Variants in ATP8A1 observed in about 807,000 individuals in gnomAD.
The protein encoded by ATP8A1 is phospholipid-transporting ATPase IA.
Under a neutral mutation model 177.7 loss-of-function variants are expected in ATP8A1, and 90 were observed. That is an observed-to-expected ratio of 0.51 (90% CI 0.43 to 0.60). ATP8A1 has a LOEUF of 0.60. ATP8A1 is among the 20% of genes least tolerant of loss of function. ATP8A1 has a pLI of 0.00. For missense variants in ATP8A1, 1,072 were observed against 1,392.8 expected (o/e 0.77, Z 3.67); for synonymous variants, 493 against 485.9 (o/e 1.01, Z -0.19).
At position 42,422,831 on chromosome 4, in the gene ATP8A1, G is replaced by A; in HGVS notation, c.3281C>T (p.Pro1094Leu). The A allele has an allele frequency of 6.2e-7, 1 of 1,612,624 alleles. No homozygotes were observed. Among genetic ancestry groups the A allele is most frequent in the South Asian group, 1.1e-5 (1 of 91,018 alleles). The change falls in exon 35 of 37, where the codon CCA becomes CTA. Residue 1094 changes from proline (P) to leucine (L), a missense_variant. This residue lies in a region of ATP8A1 where 316 missense variants were observed against 459.1 expected (regional missense o/e 0.69). Coordinates refer to ENST00000381668, the MANE Select transcript of ATP8A1 (RefSeq NM_006095.2). ...VQELEAKSQD[P>L]GAVVLGKSLT... ...CCTTTTTCCAAGTACAACTGCTCCT[G>A]GGTCTTGAGATTTTGCCTCCAGCTC...
At chr4:42,631,843 GA>G (rs1738769522) in intron 1 of ATP8A1, among the ~76,000 whole-genome samples, 1 of 152,172 alleles carries the variant, frequency 6.6e-6, no homozygotes, top group Non-Finnish European at 1.5e-5. Flanking sequence ...GTCTTAGAAA[GA>G]AACGAGAAGG....
rs186647096 is a variant in ATP8A1 at position 42,496,224 on chromosome 4, T to C, written c.2151+7226A>G. Among the ~76,000 whole-genome samples the C allele has an allele frequency of 2.4e-3, 371 of 152,186 alleles. 3 individuals are homozygous for C. Among genetic ancestry groups the C allele is most frequent in the African/African-American group, 8.5e-3 (354 of 41,530 alleles). On this transcript the variant is annotated intron_variant, in intron 24 of 36. Coordinates refer to ENST00000381668, the MANE Select transcript of ATP8A1 (RefSeq NM_006095.2). ...GTGTTTCAGCACGGGGGTGGGGACA[T>C]GTAGCAAAGACAGACAAATCCAGGG...
At chr4:42,594,380 A>C in intron 6 of ATP8A1, 1 of 1,379,472 alleles carries the variant, frequency 7.2e-7, no homozygotes, top group Non-Finnish European at 1.0e-6. Context: ...AAAACTGGGA[A>C]TTGGTTAATT....
At chr4:42,582,040 T>G (rs565203889) in intron 9 of ATP8A1, among the ~76,000 whole-genome samples, 40 of 152,310 alleles carry the variant, frequency 2.6e-4, no homozygotes, top group African/African-American at 9.4e-4. Context: ...GAAATGACCC[T>G]TCGGGAGCTA....
intron 11 of ATP8A1, among the ~76,000 whole-genome samples, chr4:42,579,473 C>T (rs1732798922): frequency 6.7e-6 from 1 of 149,252 alleles, no homozygotes; most frequent in African/African-American, 2.4e-5. Flanking sequence ...TATATCCACA[C>T]ATGGTCAATC....
At chr4:42,474,010 C>T (rs73235579) in intron 25 of ATP8A1, among the ~76,000 whole-genome samples, 25,489 of 152,026 alleles carry the variant, frequency 0.17, 2,386 homozygotes, top group South Asian at 0.24. Flanking sequence ...TCATGACCTT[C>T]CTATGTTGTG....
At chr4:42,529,481 C>G (rs950627873) in intron 20 of ATP8A1, among the ~76,000 whole-genome samples, 1 of 152,224 alleles carries the variant, frequency 6.6e-6, no homozygotes, top group South Asian at 2.1e-4. Context: ...ACCAGCAGCA[C>G]TGCATCATCA....
At chr4:42,420,020 CAAAA>C (rs34391125) in intron 35 of ATP8A1, among the ~76,000 whole-genome samples, 3 of 126,058 alleles carry the variant, frequency 2.4e-5, no homozygotes, top group Non-Finnish European at 5.1e-5. Flanking sequence ...AACAAACAAA[CAAAA>C]AAAAAAAACT....
chr4:42,452,030 G>T lies in ATP8A1; in HGVS notation c.2847C>A (p.Leu949=). The part of the protein sequence containing the change: ...KVFWVHCLNG[L]FHSVILFWFP... ...ACCAAAACAGAATAACTGAGTGGAA[G>T]AGGCCATTTAAACAATGAACCCAGA... Residue 949 remains leucine (L), a synonymous_variant, in exon 30 of 37, where the codon CTC becomes CTA. Coordinates refer to ENST00000381668, the MANE Select transcript of ATP8A1 (RefSeq NM_006095.2). The T allele has an allele frequency of 6.2e-7, 1 of 1,613,204 alleles. No individual in the cohort carries two copies. The highest frequency in any genetic ancestry group is 1.3e-5 in the African/African-American group (1 of 74,984).
chr4:42,602,183 A>C (rs899824680), intron 5 of ATP8A1, among the ~76,000 whole-genome samples: 3 of 152,256 alleles, frequency 2.0e-5, no homozygotes, highest in African/African-American at 7.2e-5. Context: ...TAACCGCAGA[A>C]GTTAAAGTAC....
At chr4:42,541,376 C>T (rs988180187) in intron 20 of ATP8A1, among the ~76,000 whole-genome samples, 4 of 152,116 alleles carry the variant, frequency 2.6e-5, no homozygotes, top group Non-Finnish European at 4.4e-5. Context: ...CAACTTCAAA[C>T]GTGGGTGAAG....
intron 25 of ATP8A1, among the ~76,000 whole-genome samples, chr4:42,483,367 T>C (rs1366122130): frequency 1.6e-5 from 2 of 123,710 alleles, no homozygotes; most frequent in African/African-American, 6.2e-5. Context: ...AGGAAAGATA[T>C]GTGACTTAAG....
chr4:42,582,221 T>A (rs114222274), intron 9 of ATP8A1, among the ~76,000 whole-genome samples: 2,190 of 152,284 alleles, frequency 0.014, 19 homozygotes, highest in Middle Eastern at 0.048. Context: ...GGTACTCTGA[T>A]CTCAGATGTT....
At chr4:42,450,646 AAGG>A in intron 30 of ATP8A1, among the ~76,000 whole-genome samples, 1 of 152,326 alleles carries the variant, frequency 6.6e-6, no homozygotes, top group East Asian at 1.9e-4. Context: ...GCAATTAAAA[AAGG>A]AGATTAAAAT....
chr4:42,641,855 T>C (rs1740025694), intron 1 of ATP8A1, among the ~76,000 whole-genome samples: 1 of 152,228 alleles, frequency 6.6e-6, no homozygotes, highest in South Asian at 2.1e-4. Context: ...CCTCGTTTTA[T>C]TACAAGAAGC....
At chr4:42,480,287 G>A (rs1388791512) in intron 25 of ATP8A1, among the ~76,000 whole-genome samples, 9 of 152,232 alleles carry the variant, frequency 5.9e-5, no homozygotes, top group Middle Eastern at 3.4e-3. Context: ...CTGAGCAGAT[G>A]ATTATTATGT....
chr4:42,580,516 T>A (rs1732924954), intron 10 of ATP8A1, among the ~76,000 whole-genome samples: 1 of 152,230 alleles, frequency 6.6e-6, no homozygotes, highest in Non-Finnish European at 1.5e-5. Flanking sequence ...CAGAGGCAAG[T>A]TGCCTCAGTT....
At chr4:42,616,712 A>G (rs1030887570) in intron 4 of ATP8A1, among the ~76,000 whole-genome samples, 12 of 152,176 alleles carry the variant, frequency 7.9e-5, no homozygotes, top group African/African-American at 1.9e-4. Context: ...CCTTCCTCCC[A>G]AGAGCACCTA....
At chr4:42,521,794 T>C (rs754680047) in intron 22 of ATP8A1, among the ~76,000 whole-genome samples, 2 of 152,198 alleles carry the variant, frequency 1.3e-5, no homozygotes, top group Admixed American at 6.5e-5. Flanking sequence ...CATTGCATAT[T>C]ATAGTTATTA....
Sources: allele counts gnomAD v4.1 joint callset (sites outside exome capture counted in the v4.1 genomes callset), GRCh38; gene constraint gnomAD v4.1.1; regional missense constraint gnomAD v4.1.1; transcripts MANE v1.5; gene names NCBI Gene and HGNC (gene_info 2026-07-23, HGNC 2026-07-21).